SLC39A10: variants seen among roughly 807,000 people sequenced by gnomAD.
The protein encoded by SLC39A10 is solute carrier family 39 member 10.
In SLC39A10, 13 loss-of-function variants were observed where a neutral mutation model predicts 65.1. The observed-to-expected ratio is 0.20, with a 90% CI of 0.13 to 0.32. The LOEUF (loss-of-function observed/expected upper bound fraction) is 0.32, where lower values mean the gene tolerates loss of function less well. Among genes scored for constraint, SLC39A10 ranks in the 10% least tolerant of loss-of-function variants. SLC39A10 has a pLI of 1.00. For missense variants in SLC39A10, 831 were observed against 1,018.4 expected, an observed-to-expected ratio of 0.82 and a Z score of 2.50; for synonymous variants, 321 against 342.2, an observed-to-expected ratio of 0.94 and a Z score of 0.68.
intron 2 of SLC39A10, among the ~76,000 whole-genome samples, chr2:195,621,783 G>C (rs1241078807): frequency 1.3e-5 from 2 of 152,128 alleles, no homozygotes; most frequent in African/African-American, 2.4e-5. Flanking sequence ...AATTCTTTGT[G>C]TTTTTATAGA....
intron 5 of SLC39A10, among the ~76,000 whole-genome samples, chr2:195,711,040 G>A (rs1691586351): frequency 6.6e-6 from 1 of 152,094 alleles, no homozygotes; most frequent in African/African-American, 2.4e-5. Flanking sequence ...TTAGATGGGA[G>A]AATCAAGAAG....
intron 3 of SLC39A10, among the ~76,000 whole-genome samples, chr2:195,685,198 G>T (rs1439208987): frequency 6.6e-6 from 1 of 151,868 alleles, no homozygotes; most frequent in East Asian, 1.9e-4. Flanking sequence ...CAAACCCTAA[G>T]GTTTGTCTGA....
chr2:195,680,420 T>G lies in SLC39A10; in HGVS notation c.378T>G (p.His126Gln), dbSNP rs1690256445. Residue 126 changes from histidine (H) to glutamine (Q), a missense_variant, in exon 2 of 10, where the codon CAT (histidine) becomes CAG (glutamine). Physicochemically the swap from His to Gln is conservative, Grantham distance 24 (BLOSUM62 0). Around this residue, in one of 4 missense-constraint regions of SLC39A10, gnomAD observed 446 missense variants for 499.2 expected, o/e 0.89. Coordinates refer to ENST00000359634, the MANE Select transcript of SLC39A10 (RefSeq NM_020342.3). Reference sequence around the variant, plus strand: ...AAGAGGGAAAGCATTTTCACTCACATAACCACCAGCATTCCCATAATCATT... The same window carrying G: ...AAGAGGGAAAGCATTTTCACTCACAGAACCACCAGCATTCCCATAATCATT... ...AVQEGKHFHS[H>Q]NHQHSHNHLN... 1.9e-6 allele frequency: 3 copies of G among 1,614,040 alleles called. No homozygotes were observed. The African/African-American group carries it at 4.0e-5, about 22-fold the overall frequency.
Position 195,735,062 on chromosome 2 carries a change from T to G in SLC39A10, c.*21T>G. 1 of 1,602,182 alleles carries G rather than the reference T, an allele frequency of 6.2e-7. No individual in the cohort carries two copies. Among genetic ancestry groups the G allele is most frequent in the Non-Finnish European group, 8.5e-7 (1 of 1,174,870 alleles). ...TTTGACCTTTCCCAGTAATCACTGTTGATTACGAGAATGTTACCATGCAGC... is the reference window on the plus strand; with the variant it reads ...TTTGACCTTTCCCAGTAATCACTGTGGATTACGAGAATGTTACCATGCAGC... On this transcript the variant is annotated 3_prime_UTR_variant, in exon 10 of 10. Coordinates refer to ENST00000359634, the MANE Select transcript of SLC39A10 (RefSeq NM_020342.3).
intron 1 of SLC39A10, among the ~76,000 whole-genome samples, chr2:195,669,171 G>C (rs1197966059): frequency 1.3e-5 from 2 of 151,886 alleles, no homozygotes; most frequent in African/African-American, 4.8e-5. Flanking sequence ...TACTATGTCA[G>C]ACAGTCATTT....
intron 9 of SLC39A10, among the ~76,000 whole-genome samples, chr2:195,729,141 TA>T (rs1292071257): frequency 1.3e-5 from 2 of 151,710 alleles, no homozygotes; most frequent in South Asian, 2.1e-4. Context: ...CCAGCAAAAA[TA>T]TTTTTTTTAA....
At chr2:195,690,172 TGA>T (rs1690677266) in intron 3 of SLC39A10, among the ~76,000 whole-genome samples, 1 of 7,008 alleles carries the variant, frequency 1.4e-4, no homozygotes, top group Non-Finnish European at 4.0e-4. Context: ...TGAGACTCTC[TGA>T]AAAAAAAAAA....
intron 2 of SLC39A10, among the ~76,000 whole-genome samples, chr2:195,616,864 AAGTT>A (rs1559002631): frequency 2.6e-5 from 4 of 152,092 alleles, no homozygotes. Context: ...CAGCCTCCCG[AAGTT>A]CTAGGATTAC....
intron 8 of SLC39A10, among the ~76,000 whole-genome samples, chr2:195,722,531 C>T (rs143415063): frequency 1.7e-4 from 26 of 152,262 alleles, no homozygotes; most frequent in African/African-American, 5.3e-4. Context: ...GGTCAGTGTC[C>T]CTACTCTGAT....
chr2:195,628,241 A>G (rs1249949810), intron 2 of SLC39A10, among the ~76,000 whole-genome samples: 1 of 152,184 alleles, frequency 6.6e-6, no homozygotes, highest in Non-Finnish European at 1.5e-5. Flanking sequence ...TTCTCCAAAA[A>G]CATTCATATA....
intron 2 of SLC39A10, among the ~76,000 whole-genome samples, chr2:195,619,584 C>G (rs905518259): frequency 2.0e-5 from 3 of 152,132 alleles, no homozygotes; most frequent in Non-Finnish European, 4.4e-5. Context: ...TGCTGATGTA[C>G]ACGAGGAATG....
At chr2:195,677,589 A>G (rs890112256) in intron 1 of SLC39A10, among the ~76,000 whole-genome samples, 2 of 152,146 alleles carry the variant, frequency 1.3e-5, no homozygotes, top group African/African-American at 2.4e-5. Context: ...TTACCTTTAT[A>G]TAAGAATTAT....
rs116670985 is a variant in SLC39A10, at chr2:195,678,833, T to C, written c.-11-1199T>C. Among the ~76,000 whole-genome samples, 1,053 of 152,252 alleles carry C rather than the reference T, an allele frequency of 6.9e-3. 7 individuals carry two copies. The highest frequency in any genetic ancestry group is 0.024 in the African/African-American group (999 of 41,560). On this transcript the variant is annotated intron_variant, in intron 1 of 9. Coordinates refer to ENST00000359634, the MANE Select transcript of SLC39A10 (RefSeq NM_020342.3). ...AAGAATGTAAAATATTTTAATAATT[T>C]TTATATTGATTAGATGTTGAAATTA...
intron 2 of SLC39A10, among the ~76,000 whole-genome samples, chr2:195,615,725 C>T (rs1431059703): frequency 6.6e-6 from 1 of 152,170 alleles, no homozygotes; most frequent in African/African-American, 2.4e-5. Context: ...ATACCTTGCC[C>T]TTTCTTAAGG....
At chr2:195,694,913 G>A (rs1021172189) in intron 3 of SLC39A10, among the ~76,000 whole-genome samples, 2 of 152,174 alleles carry the variant, frequency 1.3e-5, no homozygotes, top group African/African-American at 4.8e-5. Flanking sequence ...CGCAGATGGG[G>A]TCTGAAGGGT....
intron 1 of SLC39A10, among the ~76,000 whole-genome samples, chr2:195,664,434 A>T (rs1255786546): frequency 6.6e-6 from 1 of 152,164 alleles, no homozygotes; most frequent in African/African-American, 2.4e-5. Flanking sequence ...AGCAGCAGTC[A>T]TAGAAGAAAT....
At chr2:195,679,233 T>C (rs1015285058) in intron 1 of SLC39A10, among the ~76,000 whole-genome samples, 32 of 113,146 alleles carry the variant, frequency 2.8e-4, no homozygotes, top group African/African-American at 1.1e-3. Context: ...CTATTAGCAA[T>C]TGATTTTTGT....
In SLC39A10 at chr2:195,728,232, G is replaced by C; in HGVS notation, c.2220G>C (p.Met740Ile). ...TTGTATACAACCTCCTCTCTGCCAT[G>C]ATGGCTTACATAGGCATGCTCATAG... Reference protein sequence around the residue: ...QAIVYNLLSAMMAYIGMLIGT... With the variant: ...QAIVYNLLSAIMAYIGMLIGT... Residue 740 changes from methionine (M) to isoleucine (I), a missense_variant, in exon 9 of 10, where the codon ATG becomes ATC. By Grantham distance (10) the Met-to-Ile change is conservative (BLOSUM62 1). This residue lies in a region of SLC39A10 where 120 missense variants were observed against 203.9 expected (regional missense o/e 0.59). Coordinates refer to ENST00000359634, the MANE Select transcript of SLC39A10 (RefSeq NM_020342.3). The surrounding 1 kb of genome is among the most constrained non-coding windows in gnomAD (Gnocchi z 4.4). 1 of 1,614,064 alleles carries C rather than the reference G, an allele frequency of 6.2e-7. No individual in the cohort carries two copies. The highest frequency in any genetic ancestry group is 1.1e-5 in the South Asian group (1 of 91,076).
chr2:195,716,229 A>AG (rs1272124412), intron 6 of SLC39A10, among the ~76,000 whole-genome samples: 1 of 152,096 alleles, frequency 6.6e-6, no homozygotes, highest in East Asian at 1.9e-4. Context: ...GCAATAAGGG[A>AG]GGAGGGGGTC....
Sources: gnomAD v4.1 joint callset for allele counts (sites outside exome capture counted in the v4.1 genomes callset) on GRCh38, gnomAD v4.1.1 for gene constraint, gnomAD v4.1.1 regional missense constraint, Gnocchi (gnomAD v3.1) non-coding constraint, MANE v1.5 for transcripts, NCBI Gene and HGNC (gene_info 2026-07-23, HGNC 2026-07-21) for gene names.